Variants in DIP2C observed in about 807,000 individuals in gnomAD.
DIP2C encodes the protein DIP2 acetate--CoA ligase C (putative).
A neutral mutation model predicts 192.4 loss-of-function variants in DIP2C; 33 were observed. That is an observed-to-expected ratio of 0.17 (90% confidence interval 0.13 to 0.23). The LOEUF (loss-of-function observed/expected upper bound fraction) is 0.23, where lower values mean the gene tolerates loss of function less well. Ranked by LOEUF, DIP2C falls within the 10% of genes least tolerant of loss-of-function variation. DIP2C has a pLI of 1.00. For missense variants in DIP2C, 1,537 were observed against 2,110.1 expected, an observed-to-expected ratio of 0.73 and a Z score of 5.32; for synonymous variants, 979 against 864.1, an observed-to-expected ratio of 1.13 and a Z score of -2.33.
intron 30 of DIP2C, among the ~76,000 whole-genome samples, chr10:328,087 C>A (rs895638247): frequency 6.6e-6 from 1 of 152,168 alleles, no homozygotes; most frequent in Admixed American, 6.5e-5. Flanking sequence ...CCCTGCGAAC[C>A]CTTTCAAGGC....
At chr10:596,845 G>A (rs1285270113) in intron 1 of DIP2C, among the ~76,000 whole-genome samples, 1 of 152,238 alleles carries the variant, frequency 6.6e-6, no homozygotes, top group Non-Finnish European at 1.5e-5. Context: ...CCAGGACAAA[G>A]ACACCCAGAA....
chr10:491,310 A>G (rs1030112089), intron 1 of DIP2C, among the ~76,000 whole-genome samples: 3 of 152,186 alleles, frequency 2.0e-5, no homozygotes, highest in African/African-American at 7.2e-5. Flanking sequence ...GAGACTATTT[A>G]ATGCTGGAAT....
intron 1 of DIP2C, among the ~76,000 whole-genome samples, chr10:655,541 A>G (rs1298775162): frequency 2.0e-5 from 3 of 152,182 alleles, no homozygotes; most frequent in Non-Finnish European, 2.9e-5. Context: ...CGACTCTGCT[A>G]TTCCACACTA....
intron 9 of DIP2C, among the ~76,000 whole-genome samples, chr10:407,801 G>A (rs1446589326): frequency 1.3e-5 from 2 of 152,032 alleles, no homozygotes; most frequent in African/African-American, 4.8e-5. Flanking sequence ...GTGGTGACTT[G>A]TAGGAATTCT....
chr10:418,060 C>A lies in DIP2C; in HGVS notation c.739+1005G>T, dbSNP rs1355828062. 1.9e-4 allele frequency among the ~76,000 whole-genome samples: 3 copies of A among 15,646 alleles called. 1 individual carries two copies. Among genetic ancestry groups the A allele is most frequent in the African/African-American group, 4.9e-4 (3 of 6,084 alleles). The allele number at this position is 15,646 out of a possible 152,430, so 10.3% of individuals were successfully genotyped here. On this transcript the variant is annotated intron_variant, in intron 6 of 36. Transcript: ENST00000280886. The stretch of plus-strand genomic sequence containing the variant: ...TGTTCCTGTCAGGGCTTCGATAGGC[C>A]TCCCTGTTCACTGCACCTGTCAGGC...
chr10:487,280 T>A (rs1339071111), intron 1 of DIP2C, among the ~76,000 whole-genome samples: 1 of 152,226 alleles, frequency 6.6e-6, no homozygotes, highest in African/African-American at 2.4e-5. Flanking sequence ...TGTATTGTTT[T>A]CTAAGACTGA....
At chr10:619,421 G>A (rs977343302) in intron 1 of DIP2C, among the ~76,000 whole-genome samples, 4 of 151,606 alleles carry the variant, frequency 2.6e-5, no homozygotes, top group Middle Eastern at 3.2e-3. Flanking sequence ...GCATCCCCTG[G>A]TCCTTATGGC....
At chr10:489,308 C>T (rs187978997) in intron 1 of DIP2C, among the ~76,000 whole-genome samples, 2 of 152,312 alleles carry the variant, frequency 1.3e-5, no homozygotes, top group East Asian at 1.9e-4. Context: ...TTTTACATGC[C>T]GTCCTTTATT....
chr10:450,152 G>C (rs150333430), intron 3 of DIP2C, among the ~76,000 whole-genome samples: 1,957 of 152,274 alleles, frequency 0.013, 20 homozygotes, highest in Middle Eastern at 0.034. Context: ...TTGTGATGTG[G>C]ACCCGACACA....
intron 1 of DIP2C, among the ~76,000 whole-genome samples, chr10:596,887 G>A (rs1396220333): frequency 2.0e-5 from 3 of 152,238 alleles, no homozygotes; most frequent in Non-Finnish European, 4.4e-5. Context: ...TCACCAAGGC[G>A]ATGACTGAGC....
chr10:338,834 CG>C (rs1958001577), intron 29 of DIP2C, among the ~76,000 whole-genome samples: 1 of 143,276 alleles, frequency 7.0e-6, no homozygotes, highest in African/African-American at 2.8e-5. Flanking sequence ...GCCACCTGCA[CG>C]CTGCACGCTG....
intron 10 of DIP2C, among the ~76,000 whole-genome samples, chr10:394,678 G>A (rs1324145114): frequency 6.6e-6 from 1 of 150,756 alleles, no homozygotes; most frequent in African/African-American, 2.4e-5. Flanking sequence ...AGGGAGGAGG[G>A]AAGCCTGCCA....
chr10:316,526 C>T (rs908719505), intron 31 of DIP2C, among the ~76,000 whole-genome samples: 3 of 152,236 alleles, frequency 2.0e-5, no homozygotes, highest in African/African-American at 7.2e-5. Context: ...TGGTGAAGGG[C>T]AAGGGCGCTG....
rs188714289 is a variant in DIP2C at position 591,493 on chromosome 10, G to A, written c.85+98001C>T. Reference sequence around the variant, plus strand: ...CTATTTTGTTAAAAACCAGTTATATGGCTATATTTTTTCCAAGAGAACCAG... The same window carrying A: ...CTATTTTGTTAAAAACCAGTTATATAGCTATATTTTTTCCAAGAGAACCAG... On this transcript the variant is annotated intron_variant, in intron 1 of 36. Transcript: ENST00000280886. Among the ~76,000 whole-genome samples the A allele has an allele frequency of 2.4e-4, 36 of 152,248 alleles. No homozygotes were observed. In the East Asian group the frequency reaches 6.9e-3, roughly 29 times the overall value.
At chr10:557,633 C>G (rs1848948005) in intron 1 of DIP2C, among the ~76,000 whole-genome samples, 1 of 120,338 alleles carries the variant, frequency 8.3e-6, no homozygotes, top group East Asian at 2.4e-4. Context: ...AACATATGAC[C>G]CAATACAGGG....
intron 1 of DIP2C, among the ~76,000 whole-genome samples, chr10:548,464 G>GAGGCAGGC (rs1554897921): frequency 2.6e-4 from 38 of 144,690 alleles, no homozygotes; most frequent in Non-Finnish European, 4.1e-4. Flanking sequence ...GGGAGGGAGG[G>GAGGCAGGC]AGGCAGGCAG....
At chr10:621,260 ACACACCCCCAGGTGTG>A (rs1853829370) in intron 1 of DIP2C, among the ~76,000 whole-genome samples, 1 of 151,804 alleles carries the variant, frequency 6.6e-6, no homozygotes, top group African/African-American at 2.4e-5. Flanking sequence ...CAATATGAGC[ACACACCCCCAGGTGTG>A]CACACGCTCT....
chr10:347,377 G>A (rs1958534122), intron 26 of DIP2C, among the ~76,000 whole-genome samples: 1 of 141,508 alleles, frequency 7.1e-6, no homozygotes, highest in East Asian at 2.2e-4. Context: ...ATCGCGCATA[G>A]TTCTCCCGGA....
chr10:474,925 T>C (rs1970942340), intron 2 of DIP2C, among the ~76,000 whole-genome samples: 1 of 152,176 alleles, frequency 6.6e-6, no homozygotes, highest in Non-Finnish European at 1.5e-5. Flanking sequence ...TAATATCCAT[T>C]CCTTTCTTTT....
Sources: gnomAD v4.1 joint callset for allele counts (sites outside exome capture counted in the v4.1 genomes callset) on GRCh38, gnomAD v4.1.1 for gene constraint, MANE v1.5 for transcripts, NCBI Gene and HGNC (gene_info 2026-07-23, HGNC 2026-07-21) for gene names.